The following CADPS2 variants were observed in gnomAD, a reference collection of about 807,000 sequenced individuals.
CADPS2 encodes the protein calcium dependent secretion activator 2.
Under a neutral mutation model 172.5 loss-of-function variants are expected in CADPS2, and 93 were observed. The ratio of observed to expected loss-of-function variants is 0.54; its 90% CI spans 0.46 to 0.64. CADPS2 has a LOEUF of 0.64. Among genes scored for constraint, CADPS2 ranks in the 30% least tolerant of loss-of-function variants. The pLI is 0.00. For missense variants in CADPS2, 1,420 were observed against 1,565.9 expected (o/e 0.91, Z 1.57); for synonymous variants, 546 against 555.2 (o/e 0.98, Z 0.23).
At chr7:122,340,979 C>G (rs1220913859) in intron 28 of CADPS2, among the ~76,000 whole-genome samples, 1 of 151,770 alleles carries the variant, frequency 6.6e-6, no homozygotes, top group Non-Finnish European at 1.5e-5. Context: ...TCTTACCCAA[C>G]AAGTCACTTT....
chr7:122,843,830 AGGCAAG>A (rs926575472), intron 1 of CADPS2, among the ~76,000 whole-genome samples: 46 of 152,328 alleles, frequency 3.0e-4, no homozygotes, highest in Non-Finnish European at 5.4e-4. Context: ...ATGAAATGGC[AGGCAAG>A]GGTCAACAGG....
At chr7:122,765,956 A>T (rs971230943) in intron 1 of CADPS2, among the ~76,000 whole-genome samples, 12 of 152,094 alleles carry the variant, frequency 7.9e-5, no homozygotes, top group African/African-American at 2.7e-4. Flanking sequence ...TGTTGCTTTA[A>T]CAGAATACCT....
chr7:122,667,936 G>C (rs1394760366), intron 2 of CADPS2, among the ~76,000 whole-genome samples: 1 of 152,136 alleles, frequency 6.6e-6, no homozygotes. Flanking sequence ...CCACGTGGGG[G>C]GAGGGAGGAC....
chr7:122,457,349 T>TA (rs1325872693), intron 14 of CADPS2, among the ~76,000 whole-genome samples: 2 of 152,182 alleles, frequency 1.3e-5, no homozygotes, highest in African/African-American at 2.4e-5. Flanking sequence ...TTTTCCAGTA[T>TA]AATAAAAAAT....
intron 1 of CADPS2, among the ~76,000 whole-genome samples, chr7:122,878,618 C>T (rs931935541): frequency 8.2e-5 from 12 of 147,210 alleles, no homozygotes; most frequent in South Asian, 4.3e-4. Context: ...CCAGCCTGGG[C>T]GACAGAGCAA....
chr7:122,696,273 G>A (rs1197038763), intron 2 of CADPS2, among the ~76,000 whole-genome samples: 3 of 152,144 alleles, frequency 2.0e-5, no homozygotes, highest in African/African-American at 4.8e-5. Context: ...TACTCTCCCA[G>A]GGTAAGCTCA....
intron 2 of CADPS2, among the ~76,000 whole-genome samples, chr7:122,720,449 T>C (rs2090228108): frequency 6.6e-6 from 1 of 150,848 alleles, no homozygotes; most frequent in Non-Finnish European, 1.5e-5. Context: ...TATGTATACA[T>C]ATCTACATGT....
At chr7:122,683,302 G>A (rs2135868441) in intron 2 of CADPS2, among the ~76,000 whole-genome samples, 1 of 152,250 alleles carries the variant, frequency 6.6e-6, no homozygotes. Context: ...AGCAGCTTAT[G>A]TGTTGCTCTG....
chr7:122,621,404 T>G, intron 5 of CADPS2, 77 bp downstream of exon 5: 1 of 937,822 alleles, frequency 1.1e-6, no homozygotes, highest in Admixed American at 2.3e-5. Context: ...TTCTAAAAGT[T>G]ACTGCAAAGG....
chr7:122,356,910 A>G (rs145923724), intron 27 of CADPS2, among the ~76,000 whole-genome samples: 5 of 151,996 alleles, frequency 3.3e-5, no homozygotes, highest in African/African-American at 1.2e-4. Context: ...CATTTCTCCA[A>G]TGAGCCCTGG....
At chr7:122,609,678 C>T (rs1003482947) in intron 6 of CADPS2, among the ~76,000 whole-genome samples, 11 of 152,306 alleles carry the variant, frequency 7.2e-5, no homozygotes, top group Admixed American at 2.6e-4. Context: ...CAACCTCACA[C>T]GCTGTTTCCT....
chr7:122,811,613 A>G (rs1380972951), intron 1 of CADPS2, among the ~76,000 whole-genome samples: 5 of 152,144 alleles, frequency 3.3e-5, no homozygotes, highest in Non-Finnish European at 7.4e-5. Flanking sequence ...AATAATTGAA[A>G]ACCCATGTAT....
intron 1 of CADPS2, among the ~76,000 whole-genome samples, chr7:122,810,105 T>C (rs1799705122): frequency 6.6e-6 from 1 of 152,106 alleles, no homozygotes; most frequent in Non-Finnish European, 1.5e-5. Context: ...CCAAGTAAGT[T>C]TACATCTAGC....
chr7:122,541,787 A>G (rs567045338), intron 8 of CADPS2, among the ~76,000 whole-genome samples: 1 of 114,540 alleles, frequency 8.7e-6, no homozygotes, highest in Admixed American at 9.1e-5. Flanking sequence ...ATATTCATAT[A>G]TTTATATATT....
At chr7:122,531,556 ATAAGAATTC>A (rs2061755321) in intron 8 of CADPS2, among the ~76,000 whole-genome samples, 1 of 152,200 alleles carries the variant, frequency 6.6e-6, no homozygotes, top group Non-Finnish European at 1.5e-5. Flanking sequence ...ATACTTACAG[ATAAGAATTC>A]TAAGAATTCT....
chr7:122,869,242 T>A (rs1454751105), intron 1 of CADPS2, among the ~76,000 whole-genome samples: 1 of 151,976 alleles, frequency 6.6e-6, no homozygotes, highest in Admixed American at 6.6e-5. Flanking sequence ...AGACCCACAA[T>A]AAGACACATT....
intron 2 of CADPS2, among the ~76,000 whole-genome samples, chr7:122,710,439 C>G (rs961194765): frequency 6.6e-6 from 1 of 152,052 alleles, no homozygotes; most frequent in Non-Finnish European, 1.5e-5. Flanking sequence ...GTAGTGAAAT[C>G]CAGTTTCTGC....
intron 9 of CADPS2, among the ~76,000 whole-genome samples, chr7:122,508,449 GTTTTTTTTTT>G (rs1205155217): frequency 0.05 from 3,424 of 68,320 alleles, 47 homozygotes; most frequent in South Asian, 0.079. Context: ...ATTCATTTAA[GTTTTTTTTTT>G]TTTTTTTTTT....
Position 122,441,512 on chromosome 7 carries a change from C to A in CADPS2, c.2352G>T (p.Arg784Ser). The change falls in exon 16 of 30, where the codon AGG (arginine) becomes AGT (serine). Residue 784 changes from arginine (R) to serine (S), a missense_variant and splice_region_variant. Arg to Ser is a moderately radical substitution (Grantham distance 110). Transcript: ENST00000449022. ...ALKATLSLLERVLMKDIATPI... is the reference protein window; with the variant it reads ...ALKATLSLLESVLMKDIATPI... The stretch of plus-strand genomic sequence containing the variant: ...TTTATAAAGTAATGTTCAAACATAC[C>A]CTTTCAAGTAATGAAAGTGTAGCTT... The A allele has an allele frequency of 6.6e-7, 1 of 1,518,480 alleles. No homozygotes were observed. Among genetic ancestry groups the A allele is most frequent in the South Asian group, 1.3e-5 (1 of 79,714 alleles). The allele number at this position is 1,518,480 out of a possible 1,614,324, so 94.1% of individuals were successfully genotyped here. A position where few individuals can be genotyped will look rare whatever the true frequency, so the allele number is the denominator to read the frequency against.
Sources: gnomAD v4.1 joint callset for allele counts (sites outside exome capture counted in the v4.1 genomes callset) on GRCh38, gnomAD v4.1.1 for gene constraint, MANE v1.5 for transcripts, NCBI Gene and HGNC (gene_info 2026-07-23, HGNC 2026-07-21) for gene names.